Variants in PARD3 observed in about 807,000 individuals in gnomAD.
The protein encoded by PARD3 is par-3 family cell polarity regulator, also known as partitioning defective 3 homolog.
In PARD3, 75 loss-of-function variants were observed where a neutral mutation model predicts 155.4. That is an observed-to-expected ratio of 0.48 (90% CI 0.40 to 0.58). PARD3 has a LOEUF of 0.58. Ranked by LOEUF, PARD3 falls within the 20% of genes least tolerant of loss-of-function variation. The pLI is 0.00. For missense variants in PARD3, 1,642 were observed against 1,721.7 expected, an observed-to-expected ratio of 0.95 and a Z score of 0.82; for synonymous variants, 576 against 610.5, an observed-to-expected ratio of 0.94 and a Z score of 0.83.
intron 5 of PARD3, among the ~76,000 whole-genome samples, chr10:34,443,580 A>G (rs1163319983): frequency 1.3e-5 from 2 of 152,082 alleles, no homozygotes; most frequent in Non-Finnish European, 1.5e-5. Context: ...GGAAATTCCC[A>G]TTTTTAAAAT....
intron 2 of PARD3, among the ~76,000 whole-genome samples, chr10:34,589,003 C>T (rs980385187): frequency 6.6e-6 from 1 of 152,138 alleles, no homozygotes; most frequent in Non-Finnish European, 1.5e-5. Flanking sequence ...GAGGCCAAGA[C>T]AGAAGGTTCA....
intron 22 of PARD3, among the ~76,000 whole-genome samples, chr10:34,256,806 C>T (rs1412466569): frequency 6.8e-6 from 1 of 147,884 alleles, no homozygotes; most frequent in Non-Finnish European, 1.5e-5. Context: ...TTCACTCTAA[C>T]ATTGGAGTCC....
Position 34,535,379 on chromosome 10 carries a change from C to T in PARD3, c.223-18220G>A, listed in dbSNP as rs545004949. On this transcript the variant is annotated intron_variant, in intron 2 of 24. Coordinates refer to ENST00000374788, the MANE Select transcript of PARD3 (RefSeq NM_001184785.2). Reference sequence around the variant, plus strand: ...ACAAAGGGAAACAGGGAAGTCAAAACGGATACCAGACAGTTCATGCAATGA... The same window carrying T: ...ACAAAGGGAAACAGGGAAGTCAAAATGGATACCAGACAGTTCATGCAATGA... Among the ~76,000 whole-genome samples, 10 of 152,240 alleles carry T rather than the reference C, an allele frequency of 6.6e-5. No individual in the cohort carries two copies. In the South Asian group the frequency reaches 1.9e-3, roughly 28 times the overall value.
chr10:34,314,208 A>C (rs1233547535), intron 20 of PARD3, among the ~76,000 whole-genome samples: 2 of 151,682 alleles, frequency 1.3e-5, no homozygotes, highest in African/African-American at 2.4e-5. Context: ...AAAAAAAAGA[A>C]GGAAACGTAA....
At chr10:34,195,929 T>G (rs1950913107) in intron 22 of PARD3, among the ~76,000 whole-genome samples, 1 of 152,158 alleles carries the variant, frequency 6.6e-6, no homozygotes, top group Non-Finnish European at 1.5e-5. Context: ...ACTCACAGAG[T>G]TGCTGTGAAA....
intron 22 of PARD3, among the ~76,000 whole-genome samples, chr10:34,212,021 CTTTTT>C (rs34135178): frequency 3.0e-5 from 4 of 132,038 alleles, no homozygotes; most frequent in Admixed American, 7.5e-5. Flanking sequence ...GAGTGCTCAA[CTTTTT>C]TTTTTTTTTT....
intron 22 of PARD3, among the ~76,000 whole-genome samples, chr10:34,185,295 T>C (rs1210316199): frequency 1.3e-5 from 2 of 152,260 alleles, no homozygotes; most frequent in African/African-American, 4.8e-5. Flanking sequence ...CAAATTTCTT[T>C]GCCAACTTTT....
intron 3 of PARD3, among the ~76,000 whole-genome samples, chr10:34,498,012 CT>C (rs1336371523): frequency 1.3e-5 from 2 of 152,118 alleles, no homozygotes; most frequent in South Asian, 2.1e-4. Flanking sequence ...GCTTTCCCCC[CT>C]CTCCTACCTC....
At chr10:34,502,870 C>T (rs2080810497) in intron 3 of PARD3, among the ~76,000 whole-genome samples, 1 of 152,182 alleles carries the variant, frequency 6.6e-6, no homozygotes, top group African/African-American at 2.4e-5. Flanking sequence ...GAGCTGGTGA[C>T]TTCTTTTCTG....
rs749725291 is a variant in PARD3 at position 34,382,940 on chromosome 10, T to C, written c.1017-18A>G. On this transcript the variant is annotated intron_variant, in intron 8 of 24. Coordinates refer to ENST00000374788, the MANE Select transcript of PARD3 (RefSeq NM_001184785.2). ...GTTGTGCTCTGGGTTTGAGAAAGAA[T>C]AGAAAATTAGCAAATTAAGACTGGC... 3.1e-6 allele frequency: 5 copies of C among 1,610,886 alleles called. No individual in the cohort carries two copies. The highest frequency in any genetic ancestry group is 4.5e-5 in the East Asian group (2 of 44,854).
chr10:34,476,239 G>T (rs1451411592), intron 3 of PARD3, among the ~76,000 whole-genome samples: 1 of 152,206 alleles, frequency 6.6e-6, no homozygotes, highest in Admixed American at 6.5e-5. Flanking sequence ...TAAAGTGTCA[G>T]ATTTTAAGTA....
rs571130861 is a variant in PARD3, at chr10:34,374,137, T to C, written c.1668+737A>G. 5.1e-4 allele frequency among the ~76,000 whole-genome samples: 78 copies of C among 152,300 alleles called. 1 individual carries two copies. Among genetic ancestry groups the C allele is most frequent in the Non-Finnish European group, 7.6e-4 (52 of 68,018 alleles). ...AAGACAAAGGCAACTCCTCCAATTATGTCATTTTTATATATAAATGAAACC... is the reference window on the plus strand; with the variant it reads ...AAGACAAAGGCAACTCCTCCAATTACGTCATTTTTATATATAAATGAAACC... On this transcript the variant is annotated intron_variant, in intron 11 of 24. Coordinates refer to ENST00000374788, the MANE Select transcript of PARD3 (RefSeq NM_001184785.2).
At chr10:34,507,551 A>C (rs1198817945) in intron 3 of PARD3, among the ~76,000 whole-genome samples, 1 of 55,910 alleles carries the variant, frequency 1.8e-5, no homozygotes, top group East Asian at 5.3e-4. Context: ...AAAAAAACAA[A>C]AAAAAAAAAA....
intron 5 of PARD3, among the ~76,000 whole-genome samples, chr10:34,435,389 T>A (rs1333234203): frequency 6.6e-6 from 1 of 152,216 alleles, no homozygotes; most frequent in Non-Finnish European, 1.5e-5. Flanking sequence ...CAGCCAGGAC[T>A]TCCAAATACT....
chr10:34,611,636 G>A (rs1423700413), intron 2 of PARD3, among the ~76,000 whole-genome samples: 1 of 151,820 alleles, frequency 6.6e-6, no homozygotes, highest in Non-Finnish European at 1.5e-5. Flanking sequence ...ACAATTATAG[G>A]CTGTCTAGGA....
At chr10:34,433,614 A>T (rs2076051972) in intron 5 of PARD3, among the ~76,000 whole-genome samples, 1 of 152,198 alleles carries the variant, frequency 6.6e-6, no homozygotes, top group Non-Finnish European at 1.5e-5. Flanking sequence ...TGCTGATATA[A>T]TCAAACTAAC....
At chr10:34,117,398 T>C (rs1276033447) in intron 24 of PARD3, among the ~76,000 whole-genome samples, 1 of 151,996 alleles carries the variant, frequency 6.6e-6, no homozygotes, top group Non-Finnish European at 1.5e-5. Flanking sequence ...CACTGTCAGC[T>C]CACCCTTCCG....
intron 12 of PARD3, among the ~76,000 whole-genome samples, chr10:34,367,086 A>G (rs1026420390): frequency 4.6e-5 from 7 of 152,214 alleles, no homozygotes; most frequent in Non-Finnish European, 8.8e-5. Flanking sequence ...AACTCCCAAA[A>G]TACTCACCCA....
chr10:34,390,069 C>A (rs1012633973), intron 7 of PARD3, among the ~76,000 whole-genome samples: 2 of 151,984 alleles, frequency 1.3e-5, no homozygotes, highest in Non-Finnish European at 2.9e-5. Context: ...AACTTTCAGA[C>A]AAAAGACTAT....
Sources: allele counts gnomAD v4.1 joint callset (sites outside exome capture counted in the v4.1 genomes callset), GRCh38; gene constraint gnomAD v4.1.1; transcripts MANE v1.5; gene names NCBI Gene and HGNC (gene_info 2026-07-23, HGNC 2026-07-21).